PHACTR2: variants seen among roughly 807,000 people sequenced by gnomAD.
PHACTR2 encodes chromosome 6 open reading frame 56.
PHACTR2 carries 30 observed loss-of-function variants against 76.0 expected under a neutral mutation model. The ratio of observed to expected loss-of-function variants is 0.39; its 90% CI spans 0.30 to 0.54. The LOEUF (loss-of-function observed/expected upper bound fraction) is 0.54, where lower values mean the gene tolerates loss of function less well. Among genes scored for constraint, PHACTR2 ranks in the 20% least tolerant of loss-of-function variants. The pLI is 0.61. For synonymous variants in PHACTR2, 292 were observed against 292.5 expected, an observed-to-expected ratio of 1.00 and a Z score of 0.02; for missense variants, 696 against 781.1, an observed-to-expected ratio of 0.89 and a Z score of 1.30.
chr6:143,678,209 G>C lies in PHACTR2; in HGVS notation c.46G>C (p.Val16Leu). The C allele has an allele frequency of 1.3e-6, 2 of 1,533,600 alleles. No homozygotes were observed. Among genetic ancestry groups the C allele is most frequent in the South Asian group, 1.2e-5 (1 of 83,176 alleles). 95.0% of individuals were successfully genotyped at this position (1,533,600 alleles called of 1,614,324 possible). ...VSTLSPQPGS[V>L]DGLDKASIAN... Reference sequence around the variant, plus strand: ...CACGCTGTCCCCGCAGCCCGGCAGCGGTGAGTCCGGGGCGCACGCGATGCG... The same window carrying C: ...CACGCTGTCCCCGCAGCCCGGCAGCCGTGAGTCCGGGGCGCACGCGATGCG... Residue 16 changes from valine (V) to leucine (L), a missense_variant and splice_region_variant, in exon 1 of 13, where the codon GTT (valine) becomes CTT (leucine). Physicochemically the swap from Val to Leu is conservative, Grantham distance 32. Transcript: ENST00000440869. This position sits in a 1 kb window ranked among gnomAD's most constrained non-coding sequence, Gnocchi z 6.2.
intron 1 of PHACTR2, among the ~76,000 whole-genome samples, chr6:143,665,059 A>G (rs1777010252): frequency 2.6e-5 from 4 of 152,102 alleles, no homozygotes; most frequent in Admixed American, 2.6e-4. Context: ...TCGGCCTCCC[A>G]AAGTGCTGGG....
chr6:143,580,737 T>C lies in PHACTR2; in HGVS notation c.217+43530T>C, dbSNP rs1275344046. Among the ~76,000 whole-genome samples the C allele has an allele frequency of 6.6e-6, 1 of 152,100 alleles. No individual in the cohort carries two copies. The highest frequency in any genetic ancestry group is 1.9e-4 in the East Asian group (1 of 5,188). ...GGGAGCCACTTAGTCCTGGCCTCCA[T>C]AGTGTGGGTGGCTGAAGGAACGTGA... is the stretch of plus-strand genomic sequence containing the variant. On this transcript the variant is annotated intron_variant, in intron 1 of 11. Coordinates refer to the PHACTR2 transcript ENST00000367584. The surrounding 1 kb of genome is among the most constrained non-coding windows in gnomAD (Gnocchi z 4.2).
At position 143,684,899 on chromosome 6, in the gene PHACTR2, T is replaced by C. The variant is rs1305097935; in HGVS notation, c.46+6690T>C. 6.6e-6 allele frequency among the ~76,000 whole-genome samples: 1 copy of C among 152,262 alleles called. No individual in the cohort carries two copies. The highest frequency in any genetic ancestry group is 1.5e-5 in the Non-Finnish European group (1 of 68,040). ...GTAAATCTATATGTAAAAAATGGCA[T>C]CTTATTTTGATTATGAGTGATGTAG... is the stretch of plus-strand genomic sequence containing the variant. On this transcript the variant is annotated intron_variant, in intron 1 of 12. Coordinates refer to ENST00000440869, the MANE Select transcript of PHACTR2 (RefSeq NM_001100164.2). This position sits in a 1 kb window ranked among gnomAD's most constrained non-coding sequence, Gnocchi z 4.3.
chr6:143,634,981 G>A (rs897256943), intron 1 of PHACTR2, among the ~76,000 whole-genome samples: 3 of 151,796 alleles, frequency 2.0e-5, no homozygotes, highest in Non-Finnish European at 4.4e-5. Context: ...TAATTTCTAC[G>A]CACAGAACAT....
Position 143,755,339 on chromosome 6 carries a change from C to A in PHACTR2, c.454+1427C>A, listed in dbSNP as rs1284044691. 10 of 455,936 alleles carry A rather than the reference C, an allele frequency of 2.2e-5. No homozygotes were observed. Among genetic ancestry groups the A allele is most frequent in the Admixed American group, 4.7e-5 (2 of 42,552 alleles). 28.2% of individuals were successfully genotyped at this position (455,936 alleles called of 1,614,324 possible). ...TTTCAAATCCATCTGTGGTTTGTCCCTGGCAGCCTTCTCACATCCAAGAAT... is the reference window on the plus strand; with the variant it reads ...TTTCAAATCCATCTGTGGTTTGTCCATGGCAGCCTTCTCACATCCAAGAAT... On this transcript the variant is annotated intron_variant, in intron 4 of 12. Transcript: ENST00000440869. The surrounding 1 kb of genome is among the most constrained non-coding windows in gnomAD (Gnocchi z 5.2).
At chr6:143,687,622 G>A (rs1436170158) in intron 1 of PHACTR2, among the ~76,000 whole-genome samples, 2 of 152,182 alleles carry the variant, frequency 1.3e-5, no homozygotes, top group Admixed American at 6.5e-5. Context: ...TAAAAGGTCG[G>A]TCTAACCATT....
Position 143,801,643 on chromosome 6 carries a change from C to T in PHACTR2, c.1846-5414C>T, listed in dbSNP as rs1246202741. 6.6e-6 allele frequency among the ~76,000 whole-genome samples: 1 copy of T among 152,126 alleles called. No homozygotes were observed. Among genetic ancestry groups the T allele is most frequent in the African/African-American group, 2.4e-5 (1 of 41,440 alleles). On this transcript the variant is annotated intron_variant, in intron 11 of 12. Coordinates refer to ENST00000440869, the MANE Select transcript of PHACTR2 (RefSeq NM_001100164.2). This position sits in a 1 kb window ranked among gnomAD's most constrained non-coding sequence, Gnocchi z 4.6. ...TTAGCTTCCTTGAAATGGATTAGAT[C>T]ATGCTCCTTTAGCTCGGAGAAGTTT... is the stretch of plus-strand genomic sequence containing the variant.
intron 1 of PHACTR2, among the ~76,000 whole-genome samples, chr6:143,564,659 A>G (rs956116863): frequency 1.3e-5 from 2 of 152,150 alleles, no homozygotes; most frequent in Non-Finnish European, 2.9e-5. Flanking sequence ...TGTGCTTTGC[A>G]TCATGTAAGG....
At chr6:143,704,454 C>T (rs1444556459) in intron 1 of PHACTR2, among the ~76,000 whole-genome samples, 9 of 152,152 alleles carry the variant, frequency 5.9e-5, no homozygotes, top group Non-Finnish European at 1.0e-4. Flanking sequence ...GAGGCCCCTT[C>T]GAGCGGACTT....
chr6:143,623,607 A>T lies in PHACTR2; in HGVS notation c.13+15285A>T, dbSNP rs1776199909. Among the ~76,000 whole-genome samples, 1 of 152,130 alleles carries T rather than the reference A, an allele frequency of 6.6e-6. No individual in the cohort carries two copies. Among genetic ancestry groups the T allele is most frequent in the Admixed American group, 6.5e-5 (1 of 15,272 alleles). On this transcript the variant is annotated intron_variant, in intron 1 of 11. Transcript: ENST00000305766. The surrounding 1 kb of genome is among the most constrained non-coding windows in gnomAD (Gnocchi z 5.9). ...TAATAATAGTAATAATAATAATAATACCAAATGAGAGAGAAATAATTCTGA... is the reference window on the plus strand; with the variant it reads ...TAATAATAGTAATAATAATAATAATTCCAAATGAGAGAGAAATAATTCTGA...
At chr6:143,636,568 A>G (rs1257377608) in intron 1 of PHACTR2, among the ~76,000 whole-genome samples, 1 of 152,238 alleles carries the variant, frequency 6.6e-6, no homozygotes, top group Admixed American at 6.5e-5. Flanking sequence ...AAATGTTATT[A>G]AACTATTTGA....
intron 1 of PHACTR2, among the ~76,000 whole-genome samples, chr6:143,574,159 G>C (rs952453733): frequency 1.3e-5 from 2 of 152,222 alleles, no homozygotes; most frequent in African/African-American, 4.8e-5. Context: ...AGTGCCCCTG[G>C]TTTGCTGGCT....
intron 2 of PHACTR2, among the ~76,000 whole-genome samples, chr6:143,726,353 A>G (rs1353631727): frequency 6.6e-6 from 1 of 152,160 alleles, no homozygotes; most frequent in Non-Finnish European, 1.5e-5. Context: ...TGTTCAATAT[A>G]TTTACATTGT....
chr6:143,704,935 C>T (rs1778013103), intron 1 of PHACTR2, among the ~76,000 whole-genome samples: 1 of 149,284 alleles, frequency 6.7e-6, no homozygotes, highest in African/African-American at 2.5e-5. Context: ...TTCAAGGATC[C>T]TCCTGCCTCA....
rs1011568316 is a variant in PHACTR2 at position 143,562,328 on chromosome 6, A to G, written c.217+25121A>G. On this transcript the variant is annotated intron_variant, in intron 1 of 11. Transcript: ENST00000367584. This position sits in a 1 kb window ranked among gnomAD's most constrained non-coding sequence, Gnocchi z 5.1. ...CCTCCCCAGGCCTCAGGAAGTTTAC[A>G]ATGAGGCTGGAAAGCAAAGGGGAAG... Among the ~76,000 whole-genome samples, 6 of 152,148 alleles carry G rather than the reference A, an allele frequency of 3.9e-5. No individual in the cohort carries two copies. Among genetic ancestry groups the G allele is most frequent in the African/African-American group, 1.2e-4 (5 of 41,424 alleles).
At chr6:143,640,794 GA>G (rs530980841) in intron 1 of PHACTR2, among the ~76,000 whole-genome samples, 39 of 152,110 alleles carry the variant, frequency 2.6e-4, no homozygotes, top group Non-Finnish European at 5.6e-4. Context: ...CAGAACCTGT[GA>G]ACGTGACTTT....
rs572587072 is a variant in PHACTR2, at chr6:143,656,501, C to A, written c.13+48179C>A. The stretch of plus-strand genomic sequence containing the variant: ...TATTTGTTTTGGGCTGCATTCAAAG[C>A]CATCCTGGGCTGTGTGTGTCCCACA... On this transcript the variant is annotated intron_variant, in intron 1 of 11. Coordinates refer to the PHACTR2 transcript ENST00000305766. This position sits in a 1 kb window ranked among gnomAD's most constrained non-coding sequence, Gnocchi z 5.3. 6.6e-6 allele frequency among the ~76,000 whole-genome samples: 1 copy of A among 151,726 alleles called. No individual in the cohort carries two copies. The highest frequency in any genetic ancestry group is 2.1e-4 in the South Asian group (1 of 4,804).
At position 143,794,679 on chromosome 6, in the gene PHACTR2, AGCT is replaced by A. The variant is rs1775786252; in HGVS notation, c.1845+5773_1845+5775del. Among the ~76,000 whole-genome samples the A allele has an allele frequency of 6.6e-6, 1 of 152,126 alleles. No individual in the cohort carries two copies. Among genetic ancestry groups the A allele is most frequent in the Non-Finnish European group, 1.5e-5 (1 of 68,022 alleles). On this transcript the variant is annotated intron_variant, in intron 11 of 12. Transcript: ENST00000440869. The surrounding 1 kb of genome is among the most constrained non-coding windows in gnomAD (Gnocchi z 4.1). The stretch of plus-strand genomic sequence containing the variant: ...CATGGTGGCTCCTGCCTGTAGTCCC[AGCT>A]GCTTGGGAGACTGAAGCAGGAGAAT...
upstream of PHACTR2, among the ~76,000 whole-genome samples, chr6:143,604,369 C>T (rs1034766403): frequency 6.6e-6 from 1 of 152,184 alleles, no homozygotes; most frequent in African/African-American, 2.4e-5. Flanking sequence ...CCAATTCATC[C>T]TCTAAAAGTA....
Sources: allele counts gnomAD v4.1 joint callset (sites outside exome capture counted in the v4.1 genomes callset), GRCh38; gene constraint gnomAD v4.1.1; non-coding constraint Gnocchi (gnomAD v3.1); transcripts MANE v1.5; gene names NCBI Gene and HGNC (gene_info 2026-07-23, HGNC 2026-07-21).